The following QKI variants were observed in gnomAD, a reference collection of about 807,000 sequenced individuals.
QKI encodes the protein KH domain-containing RNA-binding protein QKI.
In QKI, 10 loss-of-function variants were observed where a neutral mutation model predicts 39.0. The observed-to-expected ratio is 0.26, with a 90% confidence interval of 0.16 to 0.43. The LOEUF (loss-of-function observed/expected upper bound fraction) is 0.43, where lower values mean the gene tolerates loss of function less well. Ranked by LOEUF, QKI falls within the 20% of genes least tolerant of loss-of-function variation. The pLI is 1.00. For missense variants in QKI, 218 were observed against 428.0 expected, an observed-to-expected ratio of 0.51 and a Z score of 4.33; for synonymous variants, 204 against 155.4, an observed-to-expected ratio of 1.31 and a Z score of -2.33.
At chr6:163,469,467 T>C (rs567706397) in intron 2 of QKI, among the ~76,000 whole-genome samples, 4 of 152,216 alleles carry the variant, frequency 2.6e-5, no homozygotes, top group East Asian at 3.8e-4. Context: ...ACAACTATTA[T>C]TGAAGAGTAG....
intron 4 of QKI, among the ~76,000 whole-genome samples, chr6:163,543,247 ATTG>A (rs2128243794): frequency 6.6e-6 from 1 of 152,152 alleles, no homozygotes; most frequent in South Asian, 2.1e-4. Context: ...AATTTGTGGT[ATTG>A]TTGGCCTCCT....
At chr6:163,437,979 T>G (rs1432740792) in intron 1 of QKI, among the ~76,000 whole-genome samples, 1 of 152,162 alleles carries the variant, frequency 6.6e-6, no homozygotes, top group Non-Finnish European at 1.5e-5. Flanking sequence ...AAATGTACTG[T>G]GAGGTTTGTG....
At chr6:163,454,997 A>G (rs1453111913) in intron 1 of QKI, among the ~76,000 whole-genome samples, 1 of 152,196 alleles carries the variant, frequency 6.6e-6, no homozygotes, top group Non-Finnish European at 1.5e-5. Flanking sequence ...TGAACTAACA[A>G]GTCCATATTA....
At chr6:163,562,619 A>G (rs937761708) in intron 5 of QKI, among the ~76,000 whole-genome samples, 4 of 152,148 alleles carry the variant, frequency 2.6e-5, no homozygotes, top group African/African-American at 7.2e-5. Context: ...GCATGTTTTT[A>G]TAAGCCGTAA....
intron 2 of QKI, chr6:163,457,655 G>A: frequency 3.0e-6 from 1 of 331,512 alleles, no homozygotes; most frequent in Non-Finnish European, 5.9e-6. Context: ...TTTTTTTGGA[G>A]AGGGGACAGG....
chr6:163,422,461 T>C (rs1788068338), intron 1 of QKI, among the ~76,000 whole-genome samples: 1 of 152,134 alleles, frequency 6.6e-6, no homozygotes, highest in South Asian at 2.1e-4. Context: ...GATGTGGTGG[T>C]GTGTGCCTGT....
chr6:163,489,211 T>C (rs1777893642), intron 3 of QKI, among the ~76,000 whole-genome samples: 1 of 151,922 alleles, frequency 6.6e-6, no homozygotes, highest in South Asian at 2.1e-4. Flanking sequence ...GAAAAGTGTT[T>C]CTTGAAGTTG....
intron 4 of QKI, among the ~76,000 whole-genome samples, chr6:163,560,766 T>G (rs1257361102): frequency 6.6e-6 from 1 of 152,174 alleles, no homozygotes. Context: ...TTGAGAAACA[T>G]GATGAAAATT....
At chr6:163,553,268 T>C (rs1017438258) in intron 4 of QKI, among the ~76,000 whole-genome samples, 1 of 151,884 alleles carries the variant, frequency 6.6e-6, no homozygotes, top group Non-Finnish European at 1.5e-5. Flanking sequence ...CATTGCCAGC[T>C]AATTTTGTAT....
chr6:163,487,218 G>A (rs1307068766), intron 3 of QKI, among the ~76,000 whole-genome samples: 3 of 151,740 alleles, frequency 2.0e-5, no homozygotes, highest in African/African-American at 4.8e-5. Context: ...AAAATTTTAA[G>A]CAATGGAAAG....
chr6:163,484,440 A>G (rs1188481270), intron 3 of QKI, among the ~76,000 whole-genome samples: 1 of 152,080 alleles, frequency 6.6e-6, no homozygotes, highest in Non-Finnish European at 1.5e-5. Flanking sequence ...GCCTCAAGTG[A>G]TCTGCCCACC....
At chr6:163,558,404 C>CTTTT (rs964172716) in intron 4 of QKI, among the ~76,000 whole-genome samples, 1 of 135,616 alleles carries the variant, frequency 7.4e-6, no homozygotes, top group African/African-American at 2.7e-5. Flanking sequence ...TTTTCTTTTT[C>CTTTT]TTTTTTTTTT....
At chr6:163,553,538 T>C (rs184191177) in intron 4 of QKI, among the ~76,000 whole-genome samples, 1 of 148,782 alleles carries the variant, frequency 6.7e-6, no homozygotes, top group Non-Finnish European at 1.5e-5. Flanking sequence ...TTTGGAGGTG[T>C]TTTTTTTTTA....
chr6:163,434,933 A>T (rs570866894), intron 1 of QKI, among the ~76,000 whole-genome samples: 1 of 152,270 alleles, frequency 6.6e-6, no homozygotes, highest in South Asian at 2.1e-4. Context: ...ATATTTGATT[A>T]TTTGTACAGA....
At chr6:163,436,580 G>A (rs1157567114) in intron 1 of QKI, among the ~76,000 whole-genome samples, 5 of 151,816 alleles carry the variant, frequency 3.3e-5, no homozygotes, top group African/African-American at 7.2e-5. Context: ...TTGGGAGGCC[G>A]AGGTGGGCTG....
chr6:163,485,317 T>C (rs1473502892), intron 3 of QKI, among the ~76,000 whole-genome samples: 1 of 152,134 alleles, frequency 6.6e-6, no homozygotes, highest in African/African-American at 2.4e-5. Context: ...GTGAAAGAAA[T>C]GTATTCATGC....
intron 3 of QKI, among the ~76,000 whole-genome samples, chr6:163,533,334 C>T (rs1780987291): frequency 6.6e-6 from 1 of 152,104 alleles, no homozygotes; most frequent in African/African-American, 2.4e-5. Context: ...CCTTGGTTTC[C>T]CACTTAGTTT....
At chr6:163,526,813 G>C (rs1019702605) in intron 3 of QKI, among the ~76,000 whole-genome samples, 5 of 152,090 alleles carry the variant, frequency 3.3e-5, no homozygotes, top group African/African-American at 1.2e-4. Flanking sequence ...TTTGGTCATC[G>C]TGGGGCCAGA....
rs559559530 is a variant in QKI at position 163,423,752 on chromosome 6, T to C, written c.142+8417T>C. On this transcript the variant is annotated intron_variant, in intron 1 of 7. Transcript: ENST00000361752. ...CCATTTTTAGAGGATTTCAGCTCATTCACTTCTTTGTAAGCAAAGGCTAGA... is the reference window on the plus strand; with the variant it reads ...CCATTTTTAGAGGATTTCAGCTCATCCACTTCTTTGTAAGCAAAGGCTAGA... Among the ~76,000 whole-genome samples, 8 of 152,380 alleles carry C rather than the reference T, an allele frequency of 5.3e-5. No homozygotes were observed. The South Asian group carries it at 1.7e-3, about 32-fold the overall frequency.
Sources: gnomAD v4.1 joint callset for allele counts (sites outside exome capture counted in the v4.1 genomes callset) on GRCh38, gnomAD v4.1.1 for gene constraint, MANE v1.5 for transcripts, NCBI Gene and HGNC (gene_info 2026-07-23, HGNC 2026-07-21) for gene names.